The following LARS2 variants were observed in gnomAD, a reference collection of about 807,000 sequenced individuals.
LARS2 encodes leucine--tRNA ligase, mitochondrial.
In LARS2, 81 loss-of-function variants were observed where a neutral mutation model predicts 116.6. That is an observed-to-expected ratio of 0.69 (90% CI 0.58 to 0.84). LARS2 has a LOEUF of 0.84. Among genes scored for constraint, LARS2 ranks in the 40% least tolerant of loss-of-function variants. LARS2 has a pLI of 0.00. For synonymous variants in LARS2, 396 were observed against 407.2 expected (o/e 0.97, Z 0.33); for missense variants, 968 against 1,114.5 (o/e 0.87, Z 1.87).
Position 45,547,369 on chromosome 3 carries a change from G to A in LARS2, c.2551G>A (p.Gly851Ser). The A allele has an allele frequency of 6.2e-7, 1 of 1,609,566 alleles. No individual in the cohort carries two copies. The highest frequency in any genetic ancestry group is 8.5e-7 in the Non-Finnish European group (1 of 1,178,576). ...MAVLINNKACGKIPVPQQVAR... is the reference protein window; with the variant it reads ...MAVLINNKACSKIPVPQQVAR... ...TTCTCAGATCAACAATAAAGCTTGT[G>A]GCAAAATTCCTGTGCCCCAACAAGT... Residue 851 changes from glycine (G) to serine (S), a missense_variant, in exon 22 of 22, where the codon GGC becomes AGC. By Grantham distance (56) the Gly-to-Ser change is moderately conservative. Transcript: ENST00000645846.
rs1159317034 is a variant in LARS2, at chr3:45,440,851, A to ACCATCTCTTTTTAGTCGAAAAG, written c.517-6036_517-6015dup. ...GTGTTTTGGTCTTTCCCTCATAAAC[A>ACCATCTCTTTTTAGTCGAAAAG]CCATCTCTTTTTAGTCGAAAAGCCA... On this transcript the variant is annotated intron_variant, in intron 6 of 21. Transcript: ENST00000645846. Among the ~76,000 whole-genome samples, 11 of 152,174 alleles carry ACCATCTCTTTTTAGTCGAAAAG rather than the reference A, an allele frequency of 7.2e-5. No homozygotes were observed. The South Asian group carries it at 1.9e-3, about 26-fold the overall frequency.
chr3:45,400,192 A>C, intron 3 of LARS2, 53 bp from the exon 4 acceptor site: 1 of 1,563,330 alleles, frequency 6.4e-7, no homozygotes, highest in Non-Finnish European at 8.7e-7. Flanking sequence ...TTATGTATAC[A>C]TGCAGAGTTC....
At chr3:45,509,047 T>G (rs542118384) in intron 15 of LARS2, among the ~76,000 whole-genome samples, 3 of 152,122 alleles carry the variant, frequency 2.0e-5, no homozygotes, top group African/African-American at 7.2e-5. Context: ...TGCTTACATA[T>G]AGCTGTGCTT....
chr3:45,482,995 C>T (rs1272236429), intron 10 of LARS2, among the ~76,000 whole-genome samples: 1 of 152,214 alleles, frequency 6.6e-6, no homozygotes, highest in African/African-American at 2.4e-5. Flanking sequence ...AGGCCGTGAC[C>T]TAGCAGTTGC....
intron 15 of LARS2, among the ~76,000 whole-genome samples, chr3:45,507,862 A>G (rs1323950928): frequency 1.3e-5 from 2 of 152,018 alleles, no homozygotes; most frequent in Admixed American, 6.6e-5. Context: ...TAACTTTATC[A>G]TTTACAGTAT....
At chr3:45,451,638 A>G (rs536035223) in intron 7 of LARS2, among the ~76,000 whole-genome samples, 5 of 152,190 alleles carry the variant, frequency 3.3e-5, no homozygotes, top group Middle Eastern at 3.4e-3. Context: ...AGGTAGTGTG[A>G]TGCTTTCAGC....
At chr3:45,546,350 T>G (rs1399445749) in intron 21 of LARS2, among the ~76,000 whole-genome samples, 1 of 152,140 alleles carries the variant, frequency 6.6e-6, no homozygotes, top group Non-Finnish European at 1.5e-5. Flanking sequence ...TTCCCCAGCT[T>G]CAGAACGCTT....
intron 20 of LARS2, among the ~76,000 whole-genome samples, chr3:45,529,573 A>G (rs1006941079): frequency 3.9e-5 from 6 of 152,130 alleles, no homozygotes; most frequent in African/African-American, 7.2e-5. Flanking sequence ...AAAATGCTAA[A>G]TAGCTAATGT....
intron 8 of LARS2, among the ~76,000 whole-genome samples, chr3:45,469,083 A>T (rs2125715465): frequency 6.6e-6 from 1 of 152,340 alleles, no homozygotes; most frequent in Non-Finnish European, 1.5e-5. Context: ...TATCATTAGC[A>T]GGATGCCTTG....
At chr3:45,446,424 A>G (rs1001066982) in intron 6 of LARS2, among the ~76,000 whole-genome samples, 2 of 152,168 alleles carry the variant, frequency 1.3e-5, no homozygotes, top group African/African-American at 4.8e-5. Context: ...GAGCCACTAG[A>G]CCCCAGTTTT....
At chr3:45,477,605 G>C (rs1246338623) in intron 10 of LARS2, among the ~76,000 whole-genome samples, 1 of 152,190 alleles carries the variant, frequency 6.6e-6, no homozygotes, top group African/African-American at 2.4e-5. Context: ...CAGATAAGGG[G>C]ATATGAAGCC....
chr3:45,524,256 T>C (rs1700502585), intron 20 of LARS2, 148 bp downstream of exon 20: 1 of 587,368 alleles, frequency 1.7e-6, no homozygotes, highest in Non-Finnish European at 3.1e-6. Flanking sequence ...TCCTGTACTC[T>C]GAATGGTAGT....
intron 6 of LARS2, among the ~76,000 whole-genome samples, chr3:45,435,573 CTTTT>C (rs1445316644): frequency 6.6e-6 from 1 of 152,090 alleles, no homozygotes; most frequent in African/African-American, 2.4e-5. Context: ...TTCTTTTCTT[CTTTT>C]TTTATTTTTT....
rs1468444239 is a variant in LARS2 at position 45,415,855 on chromosome 3, A to AT, written c.364-1627_364-1626insT. Among the ~76,000 whole-genome samples the AT allele has an allele frequency of 4.9e-3, 522 of 105,552 alleles. 5 individuals carry two copies. Among genetic ancestry groups the AT allele is most frequent in the Non-Finnish European group, 7.6e-3 (419 of 55,408 alleles). The allele number at this position is 105,552 out of a possible 152,430, so 69.2% of individuals were successfully genotyped here. Reference sequence around the variant, plus strand: ...AGAGCAAGACTCCATCTCAAAAAAAAAAAAAATATATATATATATATAGAG... The same window carrying AT: ...AGAGCAAGACTCCATCTCAAAAAAAATAAAAAATATATATATATATATAGAG... On this transcript the variant is annotated intron_variant, in intron 4 of 21. Coordinates refer to ENST00000645846, the MANE Select transcript of LARS2 (RefSeq NM_015340.4).
intron 10 of LARS2, among the ~76,000 whole-genome samples, chr3:45,478,037 A>G (rs763905111): frequency 6.6e-6 from 1 of 152,200 alleles, no homozygotes; most frequent in African/African-American, 2.4e-5. Flanking sequence ...GGACAGCCAG[A>G]TGCATATGCC....
At chr3:45,501,464 T>G (rs1700119799) in intron 15 of LARS2, among the ~76,000 whole-genome samples, 1 of 152,164 alleles carries the variant, frequency 6.6e-6, no homozygotes, top group South Asian at 2.1e-4. Context: ...CTCAACAGTT[T>G]TTTGAGATTC....
chr3:45,393,782 C>G (rs1353630515), intron 2 of LARS2, among the ~76,000 whole-genome samples: 1 of 152,080 alleles, frequency 6.6e-6, no homozygotes, highest in Non-Finnish European at 1.5e-5. Context: ...TATGATTATG[C>G]CACTGCACTC....
chr3:45,477,686 T>C (rs905156889), intron 10 of LARS2, among the ~76,000 whole-genome samples: 5 of 152,200 alleles, frequency 3.3e-5, no homozygotes, highest in African/African-American at 1.2e-4. Flanking sequence ...TTTCCACAAA[T>C]ATCTCATCCC....
At chr3:45,459,638 G>C (rs1008478836) in intron 8 of LARS2, among the ~76,000 whole-genome samples, 2 of 152,156 alleles carry the variant, frequency 1.3e-5, no homozygotes, top group Non-Finnish European at 2.9e-5. Flanking sequence ...ACAAAAAATC[G>C]GTTCTGTAGG....
Sources: allele counts gnomAD v4.1 joint callset (sites outside exome capture counted in the v4.1 genomes callset), GRCh38; gene constraint gnomAD v4.1.1; transcripts MANE v1.5; gene names NCBI Gene and HGNC (gene_info 2026-07-23, HGNC 2026-07-21).